The following BBOX1 variants were observed in gnomAD, a reference collection of about 807,000 sequenced individuals.
The protein encoded by BBOX1 is gamma-butyrobetaine dioxygenase.
In BBOX1, 35 loss-of-function variants were observed where a neutral mutation model predicts 41.6. The observed-to-expected ratio is 0.84, with a 90% confidence interval of 0.64 to 1.11. The LOEUF is 1.11. Among genes scored for constraint, BBOX1 ranks in the 50% most tolerant of loss-of-function variants. The pLI is 0.00. For missense variants in BBOX1, 458 were observed against 460.6 expected, an observed-to-expected ratio of 0.99 and a Z score of 0.05; for synonymous variants, 163 against 154.7, an observed-to-expected ratio of 1.05 and a Z score of -0.40.
At chr11:27,051,669 C>T (rs915089852) in intron 2 of BBOX1, among the ~76,000 whole-genome samples, 4 of 151,802 alleles carry the variant, frequency 2.6e-5, no homozygotes, top group Non-Finnish European at 4.4e-5. Context: ...TGTAATGTCT[C>T]CTCTTTCATT....
At chr11:27,041,916 G>C (rs914870677) in intron 2 of BBOX1, among the ~76,000 whole-genome samples, 1 of 152,118 alleles carries the variant, frequency 6.6e-6, no homozygotes, top group African/African-American at 2.4e-5. Flanking sequence ...CCAAAGAATG[G>C]TGACTGCATA....
chr11:27,071,215 C>CA (rs746944498), intron 4 of BBOX1, among the ~76,000 whole-genome samples: 82 of 151,234 alleles, frequency 5.4e-4, no homozygotes, highest in Admixed American at 8.6e-4. Flanking sequence ...TCTACTAAAA[C>CA]AAAAAAAATG....
chr11:27,097,758 G>A (rs1287355184), intron 5 of BBOX1, among the ~76,000 whole-genome samples: 1 of 152,020 alleles, frequency 6.6e-6, no homozygotes, highest in East Asian at 1.9e-4. Context: ...CCAGGATGAT[G>A]CAAAGCATGG....
intron 4 of BBOX1, among the ~76,000 whole-genome samples, chr11:27,062,126 AAGAT>A (rs1393826210): frequency 3.3e-5 from 5 of 152,216 alleles, no homozygotes; most frequent in East Asian, 1.9e-4. Context: ...TTGTCAGGCA[AAGAT>A]AGATAGAAAG....
Position 27,040,870 on chromosome 11 carries a change from G to C in BBOX1, c.-460G>C, listed in dbSNP as rs1399120255. On this transcript the variant is annotated 5_prime_UTR_variant, in exon 1 of 9. Transcript: ENST00000263182. ...CCACTTCACCTCTGCTAGGGTGAGC[G>C]CTGGTAGCTCCTCCCTGTTAAATGC... is the stretch of plus-strand genomic sequence containing the variant. The C allele has an allele frequency of 6.6e-6, 1 of 152,202 alleles. No homozygotes were observed. Among genetic ancestry groups the C allele is most frequent in the African/African-American group, 2.4e-5 (1 of 41,440 alleles). The allele number at this position is 152,202 out of a possible 1,614,324, so 9.4% of individuals were successfully genotyped here.
intron 4 of BBOX1, among the ~76,000 whole-genome samples, chr11:27,075,604 C>A (rs1306789618): frequency 6.6e-6 from 1 of 152,186 alleles, no homozygotes; most frequent in Non-Finnish European, 1.5e-5. Flanking sequence ...CTCCCAGTCA[C>A]ACTCCTGACC....
At chr11:27,073,504 C>T (rs567458092) in intron 4 of BBOX1, among the ~76,000 whole-genome samples, 1 of 146,086 alleles carries the variant, frequency 6.8e-6, no homozygotes, top group African/African-American at 2.8e-5. Flanking sequence ...GACAGTGTGG[C>T]AATTCCTCAG....
intron 2 of BBOX1, among the ~76,000 whole-genome samples, chr11:27,042,230 C>T (rs1851365054): frequency 6.6e-6 from 1 of 152,160 alleles, no homozygotes; most frequent in Non-Finnish European, 1.5e-5. Flanking sequence ...TAAAGTGAAG[C>T]TAAAGTTTTC....
chr11:27,091,751 T>G (rs1182746949), intron 4 of BBOX1, among the ~76,000 whole-genome samples: 1 of 151,910 alleles, frequency 6.6e-6, no homozygotes, highest in Non-Finnish European at 1.5e-5. Context: ...ACCTCAACTT[T>G]CAGAGATGAT....
chr11:27,072,160 A>G (rs1040667388), intron 4 of BBOX1, among the ~76,000 whole-genome samples: 1 of 152,212 alleles, frequency 6.6e-6, no homozygotes, highest in Non-Finnish European at 1.5e-5. Flanking sequence ...ATGATTGTAT[A>G]TTTAGAAAAC....
intron 4 of BBOX1, among the ~76,000 whole-genome samples, chr11:27,087,179 T>C (rs1182907419): frequency 9.2e-5 from 14 of 152,058 alleles, no homozygotes. Flanking sequence ...ACTGAGAAGA[T>C]TTACCCAAAT....
intron 3 of BBOX1, among the ~76,000 whole-genome samples, chr11:27,056,787 G>A (rs1273653435): frequency 6.6e-6 from 1 of 151,740 alleles, no homozygotes; most frequent in Non-Finnish European, 1.5e-5. Context: ...AATTAAGCTG[G>A]CCAGGCATGG....
intron 4 of BBOX1, among the ~76,000 whole-genome samples, chr11:27,064,805 T>A (rs966643835): frequency 1.3e-5 from 2 of 151,778 alleles, no homozygotes; most frequent in African/African-American, 2.4e-5. Flanking sequence ...GTCAAAGCCA[T>A]CCTCCTGTGG....
At chr11:27,106,021 A>C (rs1014760717) in intron 5 of BBOX1, among the ~76,000 whole-genome samples, 13 of 152,192 alleles carry the variant, frequency 8.5e-5, no homozygotes, top group Admixed American at 2.6e-4. Context: ...AAATAAAATA[A>C]TTTACAGACA....
chr11:27,050,066 T>G (rs923676682), intron 2 of BBOX1, among the ~76,000 whole-genome samples: 1 of 152,172 alleles, frequency 6.6e-6, no homozygotes, highest in African/African-American at 2.4e-5. Context: ...TTTATACTTC[T>G]TCATCTGGAT....
At chr11:27,088,022 A>G (rs934713587) in intron 4 of BBOX1, among the ~76,000 whole-genome samples, 6 of 152,182 alleles carry the variant, frequency 3.9e-5, no homozygotes, top group African/African-American at 1.4e-4. Flanking sequence ...TCTAAAAGAT[A>G]ATATATTTTT....
intron 2 of BBOX1, among the ~76,000 whole-genome samples, chr11:27,054,121 G>A (rs1452637128): frequency 6.6e-6 from 1 of 152,000 alleles, no homozygotes; most frequent in Non-Finnish European, 1.5e-5. Flanking sequence ...AGGACAGGGA[G>A]CAATTTTATC....
At chr11:27,098,177 C>T (rs1858511629) in intron 5 of BBOX1, among the ~76,000 whole-genome samples, 1 of 151,934 alleles carries the variant, frequency 6.6e-6, no homozygotes, top group African/African-American at 2.4e-5. Context: ...TTGCCCTTTT[C>T]ACTTGACTTA....
intron 5 of BBOX1, among the ~76,000 whole-genome samples, chr11:27,102,452 A>G (rs1045577551): frequency 3.9e-5 from 6 of 152,078 alleles, no homozygotes; most frequent in African/African-American, 1.4e-4. Context: ...ACCCATTGAC[A>G]TATCCCAACC....
Sources: allele counts gnomAD v4.1 joint callset (sites outside exome capture counted in the v4.1 genomes callset), GRCh38; gene constraint gnomAD v4.1.1; transcripts MANE v1.5; gene names NCBI Gene and HGNC (gene_info 2026-07-23, HGNC 2026-07-21).